The following NTNG1 variants were observed in gnomAD, a reference collection of about 807,000 sequenced individuals.
NTNG1 encodes the protein netrin-G1.
NTNG1 carries 16 observed loss-of-function variants against 54.0 expected under a neutral mutation model. The observed-to-expected ratio is 0.30, with a 90% CI of 0.20 to 0.45. NTNG1 has a LOEUF of 0.45. Ranked by LOEUF, NTNG1 falls within the 20% of genes least tolerant of loss-of-function variation. The pLI, the probability that NTNG1 is intolerant of heterozygous loss-of-function variation, is 1.00. For synonymous variants in NTNG1, 255 were observed against 263.1 expected, an observed-to-expected ratio of 0.97 and a Z score of 0.30; for missense variants, 530 against 678.7, an observed-to-expected ratio of 0.78 and a Z score of 2.43.
intron 3 of NTNG1, among the ~76,000 whole-genome samples, chr1:107,353,894 C>T (rs926604876): frequency 2.0e-5 from 3 of 152,162 alleles, no homozygotes; most frequent in African/African-American, 7.2e-5. Flanking sequence ...ATGGAAAGAG[C>T]AGTACCAATG....
chr1:107,158,324 G>A (rs1265361967), intron 2 of NTNG1, among the ~76,000 whole-genome samples: 3 of 152,122 alleles, frequency 2.0e-5, no homozygotes, highest in Non-Finnish European at 4.4e-5. Context: ...TCGGCAGGTT[G>A]TAAATTTCTT....
At chr1:107,332,939 T>C (rs762397052) in intron 3 of NTNG1, among the ~76,000 whole-genome samples, 1 of 151,944 alleles carries the variant, frequency 6.6e-6, no homozygotes, top group Non-Finnish European at 1.5e-5. Flanking sequence ...AAAGGAAAAT[T>C]TAAAAATTAC....
intron 2 of NTNG1, among the ~76,000 whole-genome samples, chr1:107,233,026 A>C (rs1661175072): frequency 6.6e-6 from 1 of 152,134 alleles, no homozygotes; most frequent in South Asian, 2.1e-4. Flanking sequence ...TTTTAATTGC[A>C]TTTCCTTTCA....
At chr1:107,256,362 G>C (rs1662933953) in intron 2 of NTNG1, among the ~76,000 whole-genome samples, 1 of 152,170 alleles carries the variant, frequency 6.6e-6, no homozygotes, top group Admixed American at 6.5e-5. Flanking sequence ...CATTCAGTCA[G>C]TCCATCAATG....
intron 7 of NTNG1, among the ~76,000 whole-genome samples, chr1:107,450,807 T>C (rs758422896): frequency 6.6e-6 from 1 of 152,104 alleles, no homozygotes; most frequent in Non-Finnish European, 1.5e-5. Context: ...TCTTCATCAA[T>C]TTTAGGATCA....
intron 2 of NTNG1, among the ~76,000 whole-genome samples, chr1:107,149,224 C>T (rs1343777405): frequency 6.6e-6 from 1 of 152,146 alleles, no homozygotes; most frequent in Non-Finnish European, 1.5e-5. Context: ...TTTAAAAACA[C>T]AAATGTTTCT....
intron 2 of NTNG1, among the ~76,000 whole-genome samples, chr1:107,270,689 G>T (rs2101687687): frequency 6.7e-6 from 1 of 150,080 alleles, no homozygotes; most frequent in African/African-American, 2.4e-5. Flanking sequence ...TGAATATATG[G>T]ATTCCCGCCC....
chr1:107,369,290 A>G (rs1006614420), intron 3 of NTNG1, among the ~76,000 whole-genome samples: 1 of 152,186 alleles, frequency 6.6e-6, no homozygotes, highest in Non-Finnish European at 1.5e-5. Context: ...ATCATATGGT[A>G]AACATAAGTT....
At chr1:107,401,465 C>T (rs1673035372) in intron 4 of NTNG1, among the ~76,000 whole-genome samples, 1 of 152,114 alleles carries the variant, frequency 6.6e-6, no homozygotes, top group Admixed American at 6.6e-5. Flanking sequence ...TAATACAGTG[C>T]ACATATATTA....
chr1:107,458,357 G>A (rs903832706), intron 7 of NTNG1, among the ~76,000 whole-genome samples: 1 of 152,118 alleles, frequency 6.6e-6, no homozygotes, highest in African/African-American at 2.4e-5. Flanking sequence ...ATTAAATTTA[G>A]CCCAGTAATC....
chr1:107,407,293 G>T (rs1673489814), intron 4 of NTNG1, among the ~76,000 whole-genome samples: 1 of 152,024 alleles, frequency 6.6e-6, no homozygotes, highest in Admixed American at 6.6e-5. Context: ...TGTATATTTG[G>T]TACTCTGTAC....
At chr1:107,295,665 C>T (rs1026284462) in intron 2 of NTNG1, among the ~76,000 whole-genome samples, 1 of 151,794 alleles carries the variant, frequency 6.6e-6, no homozygotes, top group African/African-American at 2.4e-5. Flanking sequence ...CATAGAGAAC[C>T]AGGGATATAG....
At chr1:107,455,835 T>G (rs1676922393) in intron 7 of NTNG1, among the ~76,000 whole-genome samples, 1 of 152,232 alleles carries the variant, frequency 6.6e-6, no homozygotes, top group Non-Finnish European at 1.5e-5. Flanking sequence ...AATCATTAGC[T>G]GCCAGTAGCA....
chr1:107,332,064 C>G (rs539671862), intron 3 of NTNG1, among the ~76,000 whole-genome samples: 2 of 151,982 alleles, frequency 1.3e-5, no homozygotes, highest in South Asian at 4.2e-4. Flanking sequence ...ATCGTATGCA[C>G]CCATTGTAAG....
intron 2 of NTNG1, among the ~76,000 whole-genome samples, chr1:107,152,087 T>A (rs1570714478): frequency 6.6e-6 from 1 of 151,914 alleles, no homozygotes; most frequent in Non-Finnish European, 1.5e-5. Flanking sequence ...TACATGTATA[T>A]ACACATACAT....
At chr1:107,456,487 A>T (rs1046695066) in intron 7 of NTNG1, among the ~76,000 whole-genome samples, 1 of 152,022 alleles carries the variant, frequency 6.6e-6, no homozygotes, top group Non-Finnish European at 1.5e-5. Context: ...GTATTGGAGG[A>T]TTACTCCCAC....
At chr1:107,469,376 C>A (rs1677831176) in intron 7 of NTNG1, among the ~76,000 whole-genome samples, 1 of 152,158 alleles carries the variant, frequency 6.6e-6, no homozygotes, top group African/African-American at 2.4e-5. Context: ...CCATTCCCTG[C>A]CAAATAATTT....
chr1:107,429,311 A>G (rs1675105242), intron 5 of NTNG1, among the ~76,000 whole-genome samples: 1 of 152,180 alleles, frequency 6.6e-6, no homozygotes, highest in Admixed American at 6.6e-5. Context: ...GCTCTCTAAC[A>G]AATGAATATG....
At chr1:107,398,585 C>T (rs1672831636) in intron 4 of NTNG1, among the ~76,000 whole-genome samples, 1 of 152,122 alleles carries the variant, frequency 6.6e-6, no homozygotes, top group South Asian at 2.1e-4. Context: ...TTTCCCTATG[C>T]TTTTCATGAC....
Sources: allele counts gnomAD v4.1 joint callset (sites outside exome capture counted in the v4.1 genomes callset), GRCh38; gene constraint gnomAD v4.1.1; transcripts MANE v1.5; gene names NCBI Gene and HGNC (gene_info 2026-07-23, HGNC 2026-07-21).